SRPK1: variants seen among roughly 807,000 people sequenced by gnomAD.
SRPK1 encodes the protein SRSF protein kinase 1.
Under a neutral mutation model 89.5 loss-of-function variants are expected in SRPK1, and 52 were observed. The observed-to-expected ratio is 0.58, with a 90% confidence interval of 0.46 to 0.73. SRPK1 has a LOEUF of 0.73. SRPK1 is among the 30% of genes least tolerant of loss of function. The pLI is 0.00. For synonymous variants in SRPK1, 255 were observed against 270.2 expected (o/e 0.94, Z 0.55); for missense variants, 603 against 780.6 (o/e 0.77, Z 2.71).
intron 14 of SRPK1, among the ~76,000 whole-genome samples, chr6:35,842,098 C>A (rs1410432258): frequency 6.6e-6 from 1 of 152,036 alleles, no homozygotes; most frequent in African/African-American, 2.4e-5. Context: ...AAAAAGAATG[C>A]TAAATTTTGG....
intron 12 of SRPK1, among the ~76,000 whole-genome samples, chr6:35,867,703 G>A (rs1235944916): frequency 2.6e-5 from 4 of 152,058 alleles, no homozygotes; most frequent in Non-Finnish European, 2.9e-5. Context: ...TGTAATCACA[G>A]CTACTTGGGA....
intron 13 of SRPK1, among the ~76,000 whole-genome samples, chr6:35,850,088 TAAAAAA>T (rs1419406043): frequency 6.6e-6 from 1 of 151,620 alleles, no homozygotes; most frequent in African/African-American, 2.4e-5. Flanking sequence ...ATTAAAGAGT[TAAAAAA>T]GAAAAAAAAG....
At chr6:35,915,079 A>G (rs1771058310) in intron 2 of SRPK1, among the ~76,000 whole-genome samples, 1 of 152,182 alleles carries the variant, frequency 6.6e-6, no homozygotes, top group East Asian at 1.9e-4. Context: ...TACAGGCTTG[A>G]GCCACTGTGC....
At chr6:35,856,504 T>C (rs750939301) in intron 13 of SRPK1, among the ~76,000 whole-genome samples, 17 of 152,172 alleles carry the variant, frequency 1.1e-4, no homozygotes, top group Non-Finnish European at 5.9e-5. Context: ...TCTTAACCTA[T>C]GAAGTCTGTG....
chr6:35,914,231 C>A (rs1771041854), intron 2 of SRPK1, among the ~76,000 whole-genome samples: 1 of 152,138 alleles, frequency 6.6e-6, no homozygotes, highest in South Asian at 2.1e-4. Context: ...CACGCCTCAG[C>A]CTCCCAAAGT....
At chr6:35,857,458 C>T in intron 12 of SRPK1, 90 bp from the exon 13 acceptor site, 1 of 1,116,390 alleles carries the variant, frequency 9.0e-7, no homozygotes, top group Non-Finnish European at 1.3e-6. Flanking sequence ...AATAAACTCT[C>T]TGAAGTTTTT....
chr6:35,917,967 T>C (rs759133171), intron 2 of SRPK1, among the ~76,000 whole-genome samples: 3 of 152,212 alleles, frequency 2.0e-5, no homozygotes, highest in Non-Finnish European at 4.4e-5. Context: ...CTCTATGGCA[T>C]GCTTCTTCCT....
chr6:35,849,293 C>G (rs1037903586), intron 13 of SRPK1, among the ~76,000 whole-genome samples: 1 of 151,988 alleles, frequency 6.6e-6, no homozygotes, highest in Non-Finnish European at 1.5e-5. Flanking sequence ...AATGAGATAT[C>G]ATTTCATATC....
chr6:35,855,172 G>A (rs761625038), intron 13 of SRPK1, among the ~76,000 whole-genome samples: 15 of 152,026 alleles, frequency 9.9e-5, no homozygotes, highest in Non-Finnish European at 1.8e-4. Context: ...CATGGTGGCG[G>A]CCACCTGTAG....
Position 35,870,222 on chromosome 6 carries a change from A to C in SRPK1, c.991+59T>G. ...GTATGAAACCACTGTATTATATAGC[A>C]ATGATAAATTAACGTTAAAGTGTGT... On this transcript the variant is annotated intron_variant, in intron 10 of 15. Transcript: ENST00000373825. 4 of 1,448,170 alleles carry C rather than the reference A, an allele frequency of 2.8e-6. No homozygotes were observed. In the South Asian group the frequency reaches 4.9e-5, roughly 18 times the overall value. 89.7% of individuals were successfully genotyped at this position (1,448,170 alleles called of 1,614,324 possible).
In SRPK1 at chr6:35,870,293, G is replaced by C. The variant is rs1770002485; in HGVS notation, c.979C>G (p.Gln327Glu). The stretch of plus-strand genomic sequence containing the variant: ...GTTCTATTTATACCAAGTTTTTCTT[G>C]GGTCATTTTATTAGGTGGGTTCTCT... ...LKENPPNKMT[Q>E]EKLEESSTIG... Residue 327 changes from glutamine (Q) to glutamate (E), a missense_variant, in exon 10 of 16, where the codon CAA becomes GAA. By Grantham distance (29) the Gln-to-Glu change is conservative. Coordinates refer to ENST00000373825, the MANE Select transcript of SRPK1 (RefSeq NM_003137.5). 1.2e-6 allele frequency: 2 copies of C among 1,611,050 alleles called. No individual in the cohort carries two copies. The highest frequency in any genetic ancestry group is 2.7e-5 in the African/African-American group (2 of 74,740).
chr6:35,835,339 C>T lies in SRPK1; in HGVS notation c.1933G>A (p.Ala645Thr), dbSNP rs376455081. ...AGCCAAGGGTGCCGGAGACACTCGG[C>T]GGCAGTGGCTCTCTTCTCAGGGATC... ...ELIPEKRATA[A>T]ECLRHPWLNS The change falls in exon 16 of 16, where the codon GCC becomes ACC. Residue 645 changes from alanine to threonine, a missense_variant. Ala to Thr is a moderately conservative substitution (Grantham distance 58, BLOSUM62 0). Transcript: ENST00000373825. 17 of 1,613,640 alleles carry T rather than the reference C, an allele frequency of 1.1e-5. No homozygotes were observed. The highest frequency in any genetic ancestry group is 2.7e-5 in the African/African-American group (2 of 75,008).
rs1246627225 is a variant in SRPK1, at chr6:35,872,629, G to A, written c.685C>T (p.Arg229Trp). The change falls in exon 8 of 16, where the codon CGG becomes TGG. Residue 229 changes from arginine (R) to tryptophan (W), a missense_variant. By Grantham distance (101) the Arg-to-Trp change is moderately radical. Coordinates refer to ENST00000373825, the MANE Select transcript of SRPK1 (RefSeq NM_003137.5). ...ILLSVNEQYI[R>W]RLAAEATEWQ... ...TCTGTTGCTTCTGCAGCCAGCCTCC[G>A]AATGTACTGCTCATTCACTGACAAT... is the stretch of plus-strand genomic sequence containing the variant. 8 of 1,612,052 alleles carry A rather than the reference G, an allele frequency of 5.0e-6. No homozygotes were observed. Among genetic ancestry groups the A allele is most frequent in the Admixed American group, 3.3e-5 (2 of 59,798 alleles).
chr6:35,920,893 A>G, intron 1 of SRPK1, 151 bp downstream of exon 1: 2 of 769,842 alleles, frequency 2.6e-6, no homozygotes, highest in South Asian at 4.2e-5. Context: ...CGCAGCCCAG[A>G]GGCAGGGGGT....
chr6:35,865,597 C>T (rs1769879201), intron 12 of SRPK1, among the ~76,000 whole-genome samples: 1 of 152,078 alleles, frequency 6.6e-6, no homozygotes, highest in Non-Finnish European at 1.5e-5. Flanking sequence ...AAAATAGATA[C>T]ACAGATCAAT....
At position 35,833,856 on chromosome 6, in the gene SRPK1, C is replaced by G. The variant is rs952035747; in HGVS notation, c.*1448G>C. The G allele has an allele frequency of 1.3e-5, 2 of 152,282 alleles. No individual in the cohort carries two copies. Among genetic ancestry groups the G allele is most frequent in the African/African-American group, 4.8e-5 (2 of 41,404 alleles). 9.4% of individuals were successfully genotyped at this position (152,282 alleles called of 1,614,324 possible). On this transcript the variant is annotated 3_prime_UTR_variant, in exon 16 of 16. Coordinates refer to ENST00000373825, the MANE Select transcript of SRPK1 (RefSeq NM_003137.5). ...TCTGTGGCTTTCTGTAAATTCGAGT[C>G]CTACAGCCACTTCGAGAACGCTGCA...
At chr6:35,894,361 G>T (rs761462384) in intron 2 of SRPK1, among the ~76,000 whole-genome samples, 1 of 152,088 alleles carries the variant, frequency 6.6e-6, no homozygotes, top group Admixed American at 6.6e-5. Context: ...TAAATGTAGG[G>T]GGGAAAAATG....
chr6:35,899,446 C>T (rs77813684), intron 2 of SRPK1, among the ~76,000 whole-genome samples: 21 of 152,306 alleles, frequency 1.4e-4, no homozygotes, highest in African/African-American at 5.1e-4. Context: ...TTATTGTCTT[C>T]CTCCAGACAC....
At chr6:35,905,675 T>A (rs565081718) in intron 2 of SRPK1, among the ~76,000 whole-genome samples, 4 of 152,346 alleles carry the variant, frequency 2.6e-5, no homozygotes, top group South Asian at 2.1e-4. Flanking sequence ...TGATCTTCTT[T>A]AGTAATCATA....
Sources: gnomAD v4.1 joint callset for allele counts (sites outside exome capture counted in the v4.1 genomes callset) on GRCh38, gnomAD v4.1.1 for gene constraint, MANE v1.5 for transcripts, NCBI Gene and HGNC (gene_info 2026-07-23, HGNC 2026-07-21) for gene names.